Variants in INTS6 observed in about 807,000 individuals in gnomAD.
INTS6 encodes DEAD box protein.
Under a neutral mutation model 104.9 loss-of-function variants are expected in INTS6, and 16 were observed. That is an observed-to-expected ratio of 0.15 (90% CI 0.10 to 0.23). The LOEUF (loss-of-function observed/expected upper bound fraction) is 0.23, where lower values mean the gene tolerates loss of function less well. Among genes scored for constraint, INTS6 ranks in the 10% least tolerant of loss-of-function variants. The pLI is 1.00. For missense variants in INTS6, 584 were observed against 1,062.8 expected, an observed-to-expected ratio of 0.55 and a Z score of 6.26; for synonymous variants, 324 against 358.7, an observed-to-expected ratio of 0.90 and a Z score of 1.09.
At chr13:51,406,111 T>C (rs1376104718) in intron 4 of INTS6, among the ~76,000 whole-genome samples, 1 of 152,076 alleles carries the variant, frequency 6.6e-6, no homozygotes, top group African/African-American at 2.4e-5. Context: ...AGACACAATC[T>C]CCAATACCTA....
chr13:51,351,377 A>G (rs1210762564), downstream of INTS6, among the ~76,000 whole-genome samples: 1 of 152,074 alleles, frequency 6.6e-6, no homozygotes, highest in Admixed American at 6.5e-5. Context: ...TGTGGACTTC[A>G]TTTGCATTTC....
chr13:51,369,149 C>G lies in INTS6; in HGVS notation c.2266G>C (p.Gly756Arg), dbSNP rs753663906. Residue 756 changes from glycine to arginine, a missense_variant, in exon 16 of 18, where the codon GGT becomes CGT. Gly to Arg is a moderately radical substitution (Grantham distance 125). Transcript: ENST00000311234. ...TCATTGGTTCCTAAATGGTCATGACCAAGAGCCTCCATATGATTGGTTGGC... is the reference window on the plus strand; with the variant it reads ...TCATTGGTTCCTAAATGGTCATGACGAAGAGCCTCCATATGATTGGTTGGC... Reference protein sequence around the residue: ...ERPTNHMEALGHDHLGTNDLT... With the variant: ...ERPTNHMEALRHDHLGTNDLT... 1 of 1,613,738 alleles carries G rather than the reference C, an allele frequency of 6.2e-7. No individual in the cohort carries two copies. The highest frequency in any genetic ancestry group is 1.7e-5 in the Admixed American group (1 of 59,990).
intron 17 of INTS6, among the ~76,000 whole-genome samples, chr13:51,366,646 G>A (rs1955697124): frequency 1.3e-5 from 2 of 151,986 alleles, no homozygotes; most frequent in South Asian, 4.1e-4. Context: ...TTAGCTGACA[G>A]AATGTTACCA....
chr13:51,410,146 C>A (rs965011370), intron 4 of INTS6, among the ~76,000 whole-genome samples: 1 of 152,150 alleles, frequency 6.6e-6, no homozygotes, highest in Non-Finnish European at 1.5e-5. Flanking sequence ...TAAAAAGTGT[C>A]ATTTTTCCCT....
the INTS6 span, among the ~76,000 whole-genome samples, chr13:51,342,024 G>A: frequency 1.3e-5 from 2 of 152,038 alleles, no homozygotes; most frequent in East Asian, 1.9e-4. Flanking sequence ...TGAGTCTTTC[G>A]AATGCCAGGT....
the INTS6 span, chr13:51,340,974 C>G: frequency 3.4e-6 from 4 of 1,190,066 alleles, no homozygotes; most frequent in African/African-American, 1.5e-5. Context: ...CCGTCCCTAG[C>G]CCCTAAAAAC....
intron 4 of INTS6, among the ~76,000 whole-genome samples, chr13:51,409,275 T>C (rs1593723390): frequency 7.7e-6 from 1 of 129,648 alleles, no homozygotes; most frequent in South Asian, 2.3e-4. Context: ...ATAATAATAA[T>C]AATAATAATA....
chr13:51,402,244 A>G (rs552285581), intron 4 of INTS6, among the ~76,000 whole-genome samples: 1 of 152,322 alleles, frequency 6.6e-6, no homozygotes, highest in East Asian at 1.9e-4. Context: ...ACAACAAGCA[A>G]ATGGGATAGA....
chr13:51,410,159 A>G (rs892617310), intron 4 of INTS6, among the ~76,000 whole-genome samples: 4 of 152,206 alleles, frequency 2.6e-5, no homozygotes, highest in Non-Finnish European at 4.4e-5. Context: ...TTTTCCCTCA[A>G]ACTGATTTAT....
In INTS6 at chr13:51,399,732, G is replaced by C. The variant is rs573651316; in HGVS notation, c.430-4249C>G. Among the ~76,000 whole-genome samples, 15 of 145,364 alleles carry C rather than the reference G, an allele frequency of 1.0e-4. No homozygotes were observed. The East Asian group carries it at 2.8e-3, about 27-fold the overall frequency. Reference sequence around the variant, plus strand: ...GGTGTGTGTGTGTGTGCGTGTGTGTGCGTGTGTGTAGTGGGGTGGGGTTTT... The same window carrying C: ...GGTGTGTGTGTGTGTGCGTGTGTGTCCGTGTGTGTAGTGGGGTGGGGTTTT... On this transcript the variant is annotated intron_variant, in intron 4 of 17. Transcript: ENST00000311234.
intron 4 of INTS6, among the ~76,000 whole-genome samples, chr13:51,403,709 G>GC (rs2138001365): frequency 6.6e-6 from 1 of 150,738 alleles, no homozygotes; most frequent in African/African-American, 2.4e-5. Context: ...TCATAATCAT[G>GC]CTTCCCACTT....
At chr13:51,374,492 G>A (rs1438797388) in intron 14 of INTS6, 53 bp from the exon 15 acceptor site, 2 of 1,558,864 alleles carry the variant, frequency 1.3e-6, no homozygotes, top group East Asian at 2.2e-5. Flanking sequence ...TGTTTAAATG[G>A]CACAACCAGT....
At position 51,452,162 on chromosome 13, in the gene INTS6, C is replaced by T; in HGVS notation, c.112-107G>A. ...GCCCCGCCGCCCCCACAGTACCGCA[C>T]ACGCAGCGGCCACCCCTCCACGCCG... On this transcript the variant is annotated intron_variant, in intron 1 of 17. Transcript: ENST00000311234. This position sits in a 1 kb window ranked among gnomAD's most constrained non-coding sequence, Gnocchi z 4.2. The T allele has an allele frequency of 9.6e-7, 1 of 1,045,082 alleles. No homozygotes were observed. Among genetic ancestry groups the T allele is most frequent in the Non-Finnish European group, 1.4e-6 (1 of 702,044 alleles). 64.7% of individuals were successfully genotyped at this position (1,045,082 alleles called of 1,614,324 possible).
chr13:51,341,477 T>A, the INTS6 span: 1 of 898,362 alleles, frequency 1.1e-6, no homozygotes, highest in South Asian at 1.7e-5. Flanking sequence ...TCACACTCAC[T>A]CTCTCCAGCT....
rs756413074 is a variant in INTS6 at position 51,452,566 on chromosome 13, AGAG to A, written c.-44_-42del. ...CACCGGGGCCCGAGGTGGTGGAGAA[AGAG>A]GAGATGGTAGAGGTGGAGGCGCCGG... On this transcript the variant is annotated 5_prime_UTR_variant, in exon 1 of 18. Transcript: ENST00000311234. This position sits in a 1 kb window ranked among gnomAD's most constrained non-coding sequence, Gnocchi z 4.2. 6.3e-6 allele frequency: 10 copies of A among 1,597,630 alleles called. No homozygotes were observed. Among genetic ancestry groups the A allele is most frequent in the East Asian group, 4.6e-5 (2 of 43,766 alleles).
At chr13:51,356,635 G>A (rs1034902943), downstream of INTS6, among the ~76,000 whole-genome samples, 6 of 152,038 alleles carry the variant, frequency 3.9e-5, no homozygotes, top group East Asian at 7.7e-4. Context: ...ATCCTAATGT[G>A]CCATCAACCC....
chr13:51,451,988 T>G lies in INTS6; in HGVS notation c.179A>C (p.Tyr60Ser). ...YMLVTFEEPPYAIKAGWKENH... is the reference protein window; with the variant it reads ...YMLVTFEEPPSAIKAGWKENH... ...GGCGAGGGCTGTTACCTTGATAGCA[T>G]AGGGCGGCTCTTCGAAAGTGACCAG... The change falls in exon 2 of 18, where the codon TAT (tyrosine) becomes TCT (serine). Residue 60 changes from tyrosine to serine, a missense_variant. Physicochemically the swap from Tyr to Ser is moderately radical, Grantham distance 144 (BLOSUM62 -2). This residue lies in a region of INTS6 where 70 missense variants were observed against 190.3 expected (regional missense o/e 0.37). Coordinates refer to ENST00000311234, the MANE Select transcript of INTS6 (RefSeq NM_012141.3). The G allele has an allele frequency of 6.2e-7, 1 of 1,607,048 alleles. No homozygotes were observed. Among genetic ancestry groups the G allele is most frequent in the Non-Finnish European group, 8.5e-7 (1 of 1,175,980 alleles).
At chr13:51,344,422 G>A in the INTS6 span, 42,871 of 1,608,882 alleles carry the variant, frequency 0.027, 706 homozygotes, top group South Asian at 0.051. Context: ...GGAACCAGCC[G>A]ACCTCAGTGA....
the INTS6 span, among the ~76,000 whole-genome samples, chr13:51,345,563 C>CAGTCA: frequency 0.012 from 1,632 of 141,618 alleles, 23 homozygotes; most frequent in East Asian, 0.071. Flanking sequence ...TCACTGCACT[C>CAGTCA]CAGCTTGGGC....
Sources: gnomAD v4.1 joint callset for allele counts (sites outside exome capture counted in the v4.1 genomes callset) on GRCh38, gnomAD v4.1.1 for gene constraint, gnomAD v4.1.1 regional missense constraint, Gnocchi (gnomAD v3.1) non-coding constraint, MANE v1.5 for transcripts, NCBI Gene and HGNC (gene_info 2026-07-23, HGNC 2026-07-21) for gene names.